Variants in CCDC171 observed in about 807,000 individuals in gnomAD.
CCDC171 encodes the protein coiled-coil domain-containing protein 171.
CCDC171 carries 177 observed loss-of-function variants against 168.2 expected under a neutral mutation model. That is an observed-to-expected ratio of 1.05 (90% CI 0.93 to 1.19). CCDC171 has a LOEUF of 1.19. Ranked by LOEUF, CCDC171 falls within the 50% of genes most tolerant of loss-of-function variation. CCDC171 has a pLI of 0.00. For missense variants in CCDC171, 1,991 were observed against 1,539.0 expected (o/e 1.29, Z -4.91); for synonymous variants, 687 against 540.8 (o/e 1.27, Z -3.75).
intron 23 of CCDC171, among the ~76,000 whole-genome samples, chr9:15,872,915 A>G (rs1817364444): frequency 6.6e-6 from 1 of 152,078 alleles, no homozygotes; most frequent in Admixed American, 6.6e-5. Context: ...GTTGTAAAAT[A>G]CGATTTGTTT....
chr9:15,777,850 A>C, intron 19 of CCDC171, 24 bp downstream of exon 19: 1 of 1,466,572 alleles, frequency 6.8e-7, no homozygotes, highest in Non-Finnish European at 9.2e-7. Flanking sequence ...TTCATTTAGT[A>C]GTAACCTAAG....
At chr9:15,739,936 A>C (rs2054746003) in intron 16 of CCDC171, among the ~76,000 whole-genome samples, 2 of 151,946 alleles carry the variant, frequency 1.3e-5, no homozygotes, top group Admixed American at 6.6e-5. Context: ...ATGGGGTTTC[A>C]CTGTGTTAGC....
Position 15,693,889 on chromosome 9 carries a change from A to C in CCDC171, c.1216-1346A>C, listed in dbSNP as rs117188861. 6.4e-3 allele frequency among the ~76,000 whole-genome samples: 976 copies of C among 152,226 alleles called. 34 individuals carry two copies. Among genetic ancestry groups the C allele is most frequent in the East Asian group, 0.042 (220 of 5,180 alleles). On this transcript the variant is annotated intron_variant, in intron 10 of 25. Transcript: ENST00000380701. ...TTCCTTCTTACCAAGAGAGTTGTCTAAACTTCCTGTTTCTATTTACTCATC... is the reference window on the plus strand; with the variant it reads ...TTCCTTCTTACCAAGAGAGTTGTCTCAACTTCCTGTTTCTATTTACTCATC...
intron 3 of CCDC171, among the ~76,000 whole-genome samples, chr9:15,993,173 C>A (rs1210736341): frequency 3.3e-5 from 5 of 151,770 alleles, no homozygotes; most frequent in Admixed American, 6.5e-5. Flanking sequence ...CTGGAGGCAT[C>A]ATGCTACCTG....
chr9:15,592,777 G>A lies in CCDC171; in HGVS notation c.543+1221G>A, dbSNP rs541650999. Among the ~76,000 whole-genome samples, 223 of 152,212 alleles carry A rather than the reference G, an allele frequency of 1.5e-3. 6 individuals are homozygous for A. The South Asian group carries it at 0.045, about 30-fold the overall frequency. On this transcript the variant is annotated intron_variant, in intron 5 of 25. Coordinates refer to ENST00000380701, the MANE Select transcript of CCDC171 (RefSeq NM_173550.4). ...CAGTATTTCTTCAGCCAGTCAGCTT[G>A]CACCTGAAGGTAGAAGATTTTGATC...
intron 6 of CCDC171, among the ~76,000 whole-genome samples, chr9:15,594,407 A>G (rs976596040): frequency 1.3e-5 from 2 of 152,102 alleles, no homozygotes; most frequent in African/African-American, 4.8e-5. Flanking sequence ...TTTAAGAAGG[A>G]TGTATATATA....
At chr9:15,905,057 C>T (rs1337251863) in intron 24 of CCDC171, among the ~76,000 whole-genome samples, 2 of 152,098 alleles carry the variant, frequency 1.3e-5, no homozygotes, top group African/African-American at 2.4e-5. Context: ...ACTTAGACTC[C>T]CACACAATAA....
intron 24 of CCDC171, among the ~76,000 whole-genome samples, chr9:15,895,434 G>A (rs1273766238): frequency 6.6e-6 from 1 of 152,094 alleles, no homozygotes; most frequent in Non-Finnish European, 1.5e-5. Context: ...GAGGCCAGAT[G>A]TCATGATTTT....
chr9:15,715,399 C>G (rs1247985361), intron 11 of CCDC171, among the ~76,000 whole-genome samples: 1 of 152,132 alleles, frequency 6.6e-6, no homozygotes, highest in Non-Finnish European at 1.5e-5. Context: ...CAAAAAAAGT[C>G]TAACTGCCAA....
At chr9:15,956,785 T>A (rs1201744225) in intron 25 of CCDC171, among the ~76,000 whole-genome samples, 1 of 152,188 alleles carries the variant, frequency 6.6e-6, no homozygotes, top group Non-Finnish European at 1.5e-5. Context: ...CATAAGTGCA[T>A]GTTTATGAGT....
intron 24 of CCDC171, among the ~76,000 whole-genome samples, chr9:15,916,846 C>G (rs3008686): frequency 0.39 from 58,695 of 151,752 alleles, 11,557 homozygotes; most frequent in Non-Finnish European, 0.42. Flanking sequence ...TGTTCAGAAA[C>G]TGTCTTTTGT....
intron 6 of CCDC171, among the ~76,000 whole-genome samples, chr9:15,603,697 G>A (rs1287242115): frequency 4.0e-5 from 6 of 151,350 alleles, no homozygotes; most frequent in Non-Finnish European, 7.4e-5. Flanking sequence ...ATTGTGAATA[G>A]TGCTGCAATG....
chr9:15,976,209 C>G (rs190536046), downstream of CCDC171, among the ~76,000 whole-genome samples: 114 of 152,234 alleles, frequency 7.5e-4, no homozygotes, highest in Non-Finnish European at 1.1e-3. Context: ...CCGAAGGAAA[C>G]TAATACACCA....
At chr9:15,769,771 T>C (rs1362532053) in intron 18 of CCDC171, among the ~76,000 whole-genome samples, 1 of 152,232 alleles carries the variant, frequency 6.6e-6, no homozygotes, top group African/African-American at 2.4e-5. Flanking sequence ...AAAGTGAGGT[T>C]CTGTGTACTC....
At chr9:15,913,895 G>T (rs1824086981) in intron 24 of CCDC171, among the ~76,000 whole-genome samples, 1 of 152,170 alleles carries the variant, frequency 6.6e-6, no homozygotes, top group African/African-American at 2.4e-5. Context: ...CTAACAGTCA[G>T]GTCCCTCTTC....
At chr9:16,008,504 C>A (rs1277025910) in intron 3 of CCDC171, among the ~76,000 whole-genome samples, 1 of 152,118 alleles carries the variant, frequency 6.6e-6, no homozygotes, top group African/African-American at 2.4e-5. Context: ...ATGTTTTTTT[C>A]CAACTGTTTC....
At chr9:15,593,440 A>C (rs1276941886) in intron 5 of CCDC171, among the ~76,000 whole-genome samples, 2 of 152,198 alleles carry the variant, frequency 1.3e-5, no homozygotes, top group Non-Finnish European at 2.9e-5. Context: ...ATAGAACTAG[A>C]AATTAAAGTC....
chr9:15,855,963 C>G (rs1315469061), intron 23 of CCDC171, among the ~76,000 whole-genome samples: 1 of 151,854 alleles, frequency 6.6e-6, no homozygotes, highest in African/African-American at 2.4e-5. Context: ...ACCAAACATA[C>G]ATTAATACTG....
intron 16 of CCDC171, among the ~76,000 whole-genome samples, chr9:15,739,151 G>A (rs1464663908): frequency 6.6e-6 from 1 of 152,178 alleles, no homozygotes; most frequent in African/African-American, 2.4e-5. Flanking sequence ...ATATCAGTGT[G>A]AAGGAAAATG....
Sources: gnomAD v4.1 joint callset for allele counts (sites outside exome capture counted in the v4.1 genomes callset) on GRCh38, gnomAD v4.1.1 for gene constraint, MANE v1.5 for transcripts, NCBI Gene and HGNC (gene_info 2026-07-23, HGNC 2026-07-21) for gene names.